The following SYNE1 variants were observed in gnomAD, a reference collection of about 807,000 sequenced individuals.
SYNE1 encodes nesprin-1.
In SYNE1, 616 loss-of-function variants were observed where a neutral mutation model predicts 1,111.0. The observed-to-expected ratio is 0.55, with a 90% CI of 0.52 to 0.59. SYNE1 has a LOEUF of 0.59. Ranked by LOEUF, SYNE1 falls within the 20% of genes least tolerant of loss-of-function variation. The pLI, the probability that SYNE1 is intolerant of heterozygous loss-of-function variation, is 0.00. For synonymous variants in SYNE1, 3,855 were observed against 3,825.8 expected (o/e 1.01, Z -0.28); for missense variants, 10,006 against 10,417.0 (o/e 0.96, Z 1.72).
intron 121 of SYNE1, 66 bp from the exon 122 acceptor site, chr6:152,215,126 C>A: frequency 6.4e-7 from 1 of 1,573,358 alleles, no homozygotes; most frequent in Non-Finnish European, 8.7e-7. Flanking sequence ...TTTCAAAGTG[C>A]GCAGTGAATT....
At chr6:152,500,831 G>A (rs1338811977) in intron 10 of SYNE1, among the ~76,000 whole-genome samples, 2 of 151,536 alleles carry the variant, frequency 1.3e-5, no homozygotes, top group Non-Finnish European at 2.9e-5. Flanking sequence ...GGCGCCTGTA[G>A]TCCCAGCTAC....
At chr6:152,269,026 A>T in intron 99 of SYNE1, 129 bp downstream of exon 99, 1 of 1,396,508 alleles carries the variant, frequency 7.2e-7, no homozygotes, top group Non-Finnish European at 9.9e-7. Flanking sequence ...ATCTTGCTTC[A>T]TTCAAAGAGA....
At position 152,221,590 on chromosome 6, in the gene SYNE1, T is replaced by C. The variant is rs372580320; in HGVS notation, c.21523-31A>G. Reference sequence around the variant, plus strand: ...CCAAAAAAAAGACCCATAGATGACATAACAGGATCTAAATTCTAATAAGCA... The same window carrying C: ...CCAAAAAAAAGACCCATAGATGACACAACAGGATCTAAATTCTAATAAGCA... On this transcript the variant is annotated intron_variant, in intron 117 of 145. Coordinates refer to ENST00000367255, the MANE Select transcript of SYNE1 (RefSeq NM_182961.4). 1.8e-4 allele frequency: 290 copies of C among 1,613,062 alleles called. 10 individuals are homozygous for C. In the South Asian group the frequency reaches 2.1e-3, roughly 12 times the overall value.
chr6:152,401,884 T>C (rs1591951491), intron 46 of SYNE1, among the ~76,000 whole-genome samples: 1 of 152,202 alleles, frequency 6.6e-6, no homozygotes. Context: ...AAAGGACATA[T>C]AGTCACTATA....
Position 152,407,214 on chromosome 6 carries a change from G to A in SYNE1, c.6541-18C>T. The A allele has an allele frequency of 1.2e-6, 2 of 1,612,828 alleles. No individual in the cohort carries two copies. Among genetic ancestry groups the A allele is most frequent in the African/African-American group, 1.3e-5 (1 of 75,020 alleles). On this transcript the variant is annotated intron_variant, in intron 44 of 145. Transcript: ENST00000367255. ...TCTGATACCTAGGAGAGAAACAGAA[G>A]CCATGGCATTCATAGTCAGAGGCGT...
rs2099276237 is a variant in SYNE1 at position 152,542,513 on chromosome 6, T to C, written c.68-2492A>G. Among the ~76,000 whole-genome samples, 4 of 152,132 alleles carry C rather than the reference T, an allele frequency of 2.6e-5. No individual in the cohort carries two copies. In the South Asian group the frequency reaches 8.3e-4, roughly 31 times the overall value. On this transcript the variant is annotated intron_variant, in intron 3 of 145. Coordinates refer to ENST00000367255, the MANE Select transcript of SYNE1 (RefSeq NM_182961.4). ...TCATTATATATTACATGTAATATTA[T>C]ATAAGTATTAATCCATTAATTCTTG...
intron 77 of SYNE1, 66 bp from the exon 78 acceptor site, chr6:152,331,956 A>C (rs2096257168): frequency 6.3e-7 from 1 of 1,593,550 alleles, no homozygotes; most frequent in South Asian, 1.1e-5. Flanking sequence ...TGTTCATACT[A>C]TGCTAAATTA....
At chr6:152,355,314 C>T (rs925518223) in intron 66 of SYNE1, among the ~76,000 whole-genome samples, 3 of 152,184 alleles carry the variant, frequency 2.0e-5, no homozygotes, top group African/African-American at 7.2e-5. Flanking sequence ...CTTATTATAG[C>T]TCATAATCTG....
In SYNE1 at chr6:152,506,285, C is replaced by T. The variant is rs114221297; in HGVS notation, c.582-888G>A. ...GAGTTGTAAAGATGATTTTGAGCAT[C>T]GGCTGCACCCCTTGAATAAGTGGAG... On this transcript the variant is annotated intron_variant, in intron 8 of 145. Coordinates refer to ENST00000367255, the MANE Select transcript of SYNE1 (RefSeq NM_182961.4). Among the ~76,000 whole-genome samples the T allele has an allele frequency of 5.7e-3, 863 of 152,074 alleles. 12 individuals are homozygous for T. The highest frequency in any genetic ancestry group is 0.019 in the African/African-American group (808 of 41,484).
At chr6:152,217,746 A>T (rs142931092) in intron 121 of SYNE1, among the ~76,000 whole-genome samples, 6 of 151,998 alleles carry the variant, frequency 3.9e-5, no homozygotes, top group Non-Finnish European at 7.4e-5. Flanking sequence ...CGTGGAAAGG[A>T]GGAGTGAGGT....
chr6:152,167,917 T>A, intron 130 of SYNE1: 2 of 766,076 alleles, frequency 2.6e-6, no homozygotes, highest in South Asian at 2.7e-5. Context: ...CAGCTCTGCA[T>A]GCCCAGTAGA....
chr6:152,175,876 G>A (rs1204773095), intron 130 of SYNE1, among the ~76,000 whole-genome samples: 1 of 152,056 alleles, frequency 6.6e-6, no homozygotes, highest in Non-Finnish European at 1.5e-5. Flanking sequence ...TAGGTATGAG[G>A]CAAACACTTA....
intron 3 of SYNE1, among the ~76,000 whole-genome samples, chr6:152,605,035 A>AGG (rs1343910665): frequency 1.1e-4 from 3 of 28,122 alleles, no homozygotes; most frequent in African/African-American, 5.6e-4. Flanking sequence ...AGAGAGAGAG[A>AGG]GGGAGGGAGG....
chr6:152,218,123 C>T, intron 121 of SYNE1, 134 bp downstream of exon 121: 2 of 1,018,928 alleles, frequency 2.0e-6, no homozygotes, highest in Non-Finnish European at 3.0e-6. Context: ...ACCCGGAAAG[C>T]AGAGGTTGCA....
rs368090906 is a variant in SYNE1 at position 152,149,229 on chromosome 6, C to G, written c.24642+248G>C. On this transcript the variant is annotated intron_variant, in intron 136 of 145. Transcript: ENST00000367255. ...TGTATACATTAACTCATCTAATGCT[C>G]AAAACAATCCTTTGTACAGGGTAGT... 4.7e-4 allele frequency among the ~76,000 whole-genome samples: 72 copies of G among 152,268 alleles called. No individual in the cohort carries two copies. The Middle Eastern group carries it at 0.01, about 22-fold the overall frequency.
chr6:152,151,220 TAA>T (rs536179270), intron 135 of SYNE1, among the ~76,000 whole-genome samples: 3 of 125,542 alleles, frequency 2.4e-5, no homozygotes, highest in Admixed American at 8.1e-5. Context: ...AGACTCTCTC[TAA>T]AAAAAAAAAA....
intron 115 of SYNE1, among the ~76,000 whole-genome samples, chr6:152,228,685 C>A (rs1389042854): frequency 6.6e-6 from 1 of 152,166 alleles, no homozygotes; most frequent in East Asian, 1.9e-4. Context: ...TTCTAATACG[C>A]AGAATTACCT....
At chr6:152,251,772 ATAAAT>A (rs964623690) in intron 104 of SYNE1, among the ~76,000 whole-genome samples, 1 of 152,204 alleles carries the variant, frequency 6.6e-6, no homozygotes, top group African/African-American at 2.4e-5. Context: ...AAAAATAAAA[ATAAAT>A]AAAAATAAAA....
intron 3 of SYNE1, among the ~76,000 whole-genome samples, chr6:152,620,839 T>C (rs2099673816): frequency 6.6e-6 from 1 of 152,214 alleles, no homozygotes; most frequent in East Asian, 1.9e-4. Flanking sequence ...TGCACTATGC[T>C]AGACAATATG....
Sources: allele counts gnomAD v4.1 joint callset (sites outside exome capture counted in the v4.1 genomes callset), GRCh38; gene constraint gnomAD v4.1.1; transcripts MANE v1.5; gene names NCBI Gene and HGNC (gene_info 2026-07-23, HGNC 2026-07-21).